Variants in PITPNC1 observed in about 807,000 individuals in gnomAD.
PITPNC1 encodes phosphatidylinositol transfer protein cytoplasmic 1, also known as cytoplasmic phosphatidylinositol transfer protein 1.
PITPNC1 carries 18 observed loss-of-function variants against 44.7 expected under a neutral mutation model. The observed-to-expected ratio is 0.40, with a 90% CI of 0.28 to 0.60. The LOEUF (loss-of-function observed/expected upper bound fraction) is 0.60. PITPNC1 is among the 20% of genes least tolerant of loss of function. PITPNC1 has a pLI of 0.39. For missense variants in PITPNC1, 290 were observed against 418.4 expected, an observed-to-expected ratio of 0.69 and a Z score of 2.68; for synonymous variants, 141 against 149.6, an observed-to-expected ratio of 0.94 and a Z score of 0.42.
At chr17:67,411,953 C>A (rs993688868) in intron 1 of PITPNC1, among the ~76,000 whole-genome samples, 2 of 152,096 alleles carry the variant, frequency 1.3e-5, no homozygotes, top group African/African-American at 2.4e-5. Flanking sequence ...GTGCAAGCTC[C>A]CTTCCCATGG....
intron 1 of PITPNC1, among the ~76,000 whole-genome samples, chr17:67,432,685 T>C (rs1461268864): frequency 6.6e-6 from 1 of 152,194 alleles, no homozygotes; most frequent in East Asian, 1.9e-4. Context: ...ATTACAGGCT[T>C]TGTGAACATT....
intron 5 of PITPNC1, among the ~76,000 whole-genome samples, chr17:67,601,029 A>G (rs898404963): frequency 3.3e-5 from 5 of 152,110 alleles, no homozygotes; most frequent in Non-Finnish European, 7.4e-5. Flanking sequence ...AGAGTAATTT[A>G]CATGTGAGTA....
chr17:67,523,682 CTGT>C (rs879670162), intron 1 of PITPNC1, among the ~76,000 whole-genome samples: 17 of 152,132 alleles, frequency 1.1e-4, no homozygotes, highest in Admixed American at 2.0e-4. Flanking sequence ...TCACAGCCCA[CTGT>C]GAACAATTAT....
intron 1 of PITPNC1, among the ~76,000 whole-genome samples, chr17:67,392,692 G>A (rs926913662): frequency 6.6e-6 from 1 of 152,150 alleles, no homozygotes; most frequent in Non-Finnish European, 1.5e-5. Flanking sequence ...GAGAGTCAAA[G>A]ATGTTTTGCT....
chr17:67,647,353 C>T (rs1220639353), intron 6 of PITPNC1, among the ~76,000 whole-genome samples: 1 of 151,908 alleles, frequency 6.6e-6, no homozygotes, highest in East Asian at 1.9e-4. Context: ...TGCAGTGGCA[C>T]CATCACGACC....
chr17:67,394,910 A>AT (rs1343263747), intron 1 of PITPNC1, among the ~76,000 whole-genome samples: 1 of 151,610 alleles, frequency 6.6e-6, no homozygotes, highest in Non-Finnish European at 1.5e-5. Flanking sequence ...AAAAAAAAAA[A>AT]GGTTGCCAGG....
At position 67,569,644 on chromosome 17, in the gene PITPNC1, G is replaced by C. The variant is rs1280069542; in HGVS notation, c.295-8542G>C. 1.5e-3 allele frequency among the ~76,000 whole-genome samples: 224 copies of C among 152,276 alleles called. 2 individuals carry two copies. The highest frequency in any genetic ancestry group is 4.7e-4 in the Non-Finnish European group (32 of 68,020). On this transcript the variant is annotated intron_variant, in intron 4 of 8. Transcript: ENST00000581322. ...TTAGACACCAGATAAAAGGAAGAGG[G>C]TCATGGCAGGGAGCAGATGGCAGCA...
intron 5 of PITPNC1, among the ~76,000 whole-genome samples, chr17:67,631,657 A>AAAAAATAT (rs1555574522): frequency 5.2e-4 from 4 of 7,682 alleles, no homozygotes; most frequent in African/African-American, 1.5e-3. Context: ...AAAAAAAAAA[A>AAAAAATAT]ATATATATAT....
rs1247744772 is a variant in PITPNC1, at chr17:67,597,591, C to T, written c.366+19334C>T. Among the ~76,000 whole-genome samples the T allele has an allele frequency of 6.6e-6, 1 of 152,150 alleles. No individual in the cohort carries two copies. Among genetic ancestry groups the T allele is most frequent in the African/African-American group, 2.4e-5 (1 of 41,422 alleles). ...AAGGAAAGAAAAAAACAGTTATCTT[C>T]CTCAATCCCTTTGTGTTAAGTTCCT... On this transcript the variant is annotated intron_variant, in intron 5 of 8. Coordinates refer to ENST00000581322, the MANE Select transcript of PITPNC1 (RefSeq NM_012417.4). This position sits in a 1 kb window ranked among gnomAD's most constrained non-coding sequence, Gnocchi z 4.0.
intron 4 of PITPNC1, among the ~76,000 whole-genome samples, chr17:67,569,482 A>G (rs551250924): frequency 4.0e-4 from 61 of 152,330 alleles, no homozygotes; most frequent in Admixed American, 9.1e-4. Flanking sequence ...AAGTAGCTGC[A>G]TTTAAATGTT....
chr17:67,527,830 T>C (rs1412365922), intron 1 of PITPNC1, among the ~76,000 whole-genome samples: 1 of 152,026 alleles, frequency 6.6e-6, no homozygotes, highest in Non-Finnish European at 1.5e-5. Context: ...ACCATGTCTG[T>C]ACAAAAGTAA....
intron 3 of PITPNC1, 87 bp downstream of exon 3, chr17:67,552,432 C>A: frequency 1.3e-6 from 1 of 794,460 alleles, no homozygotes; most frequent in Non-Finnish European, 2.3e-6. Context: ...GTGGATTATC[C>A]AAGCAGGGCC....
At position 67,695,143 on chromosome 17, in the gene PITPNC1, C is replaced by T. The variant is rs568847379; in HGVS notation, c.*2255C>T. 6.6e-6 allele frequency: 1 copy of T among 152,094 alleles called. No homozygotes were observed. Among genetic ancestry groups the T allele is most frequent in the South Asian group, 2.1e-4 (1 of 4,824 alleles). The allele number at this position is 152,094 out of a possible 1,614,324, so 9.4% of individuals were successfully genotyped here. A position where few individuals can be genotyped will look rare whatever the true frequency, so the allele number is the denominator to read the frequency against. On this transcript the variant is annotated 3_prime_UTR_variant, in exon 9 of 9. Transcript: ENST00000581322. The stretch of plus-strand genomic sequence containing the variant: ...ATAACCAGTATGTTACCACAGACAT[C>T]AGTTGCAAAGCTACGATGATAGTGT...
chr17:67,415,910 TA>T (rs3840059), intron 1 of PITPNC1, among the ~76,000 whole-genome samples: 73,115 of 147,892 alleles, frequency 0.49, 18,142 homozygotes, highest in African/African-American at 0.61. Flanking sequence ...CACGCTTACC[TA>T]AAAAAAAAAA....
intron 1 of PITPNC1, among the ~76,000 whole-genome samples, chr17:67,398,024 C>T (rs1034497840): frequency 6.7e-5 from 10 of 148,764 alleles, no homozygotes; most frequent in Non-Finnish European, 1.3e-4. Context: ...ACCCGGGAGG[C>T]GGAGCTTGCA....
chr17:67,451,768 A>G (rs1482568235), intron 1 of PITPNC1, among the ~76,000 whole-genome samples: 1 of 151,844 alleles, frequency 6.6e-6, no homozygotes, highest in African/African-American at 2.4e-5. Context: ...CCTCCAGGGT[A>G]GCGGGCACTA....
At chr17:67,631,816 A>G (rs1225334894) in intron 5 of PITPNC1, among the ~76,000 whole-genome samples, 1 of 150,374 alleles carries the variant, frequency 6.7e-6, no homozygotes, top group Non-Finnish European at 1.5e-5. Flanking sequence ...GTGAACTGCC[A>G]AAAATCAGCA....
At chr17:67,394,628 G>T (rs2038187896) in intron 1 of PITPNC1, among the ~76,000 whole-genome samples, 1 of 152,166 alleles carries the variant, frequency 6.6e-6, no homozygotes, top group Non-Finnish European at 1.5e-5. Flanking sequence ...TTAAGGCCGG[G>T]CACGGTGGCT....
intron 5 of PITPNC1, among the ~76,000 whole-genome samples, chr17:67,585,745 C>T (rs145469675): frequency 0.017 from 2,530 of 152,250 alleles, 34 homozygotes; most frequent in South Asian, 0.046. Context: ...GCAGAGGTTT[C>T]GGTGAGCCAA....
Sources: allele counts gnomAD v4.1 joint callset (sites outside exome capture counted in the v4.1 genomes callset), GRCh38; gene constraint gnomAD v4.1.1; non-coding constraint Gnocchi (gnomAD v3.1); transcripts MANE v1.5; gene names NCBI Gene and HGNC (gene_info 2026-07-23, HGNC 2026-07-21).